The following ITGB3BP variants were observed in gnomAD, a reference collection of about 807,000 sequenced individuals.
The protein encoded by ITGB3BP is integrin subunit beta 3 binding protein, also known as centromere protein R.
ITGB3BP carries 27 observed loss-of-function variants against 29.1 expected under a neutral mutation model. That is an observed-to-expected ratio of 0.93 (90% CI 0.68 to 1.28). The LOEUF (loss-of-function observed/expected upper bound fraction) is 1.28. Among genes scored for constraint, ITGB3BP ranks in the 50% most tolerant of loss-of-function variants. The pLI, the probability that ITGB3BP is intolerant of heterozygous loss-of-function variation, is 0.00. For synonymous variants in ITGB3BP, 61 were observed against 61.4 expected, an observed-to-expected ratio of 0.99 and a Z score of 0.03; for missense variants, 192 against 200.2, an observed-to-expected ratio of 0.96 and a Z score of 0.25.
At chr1:63,473,268 C>T (rs1238482142) in intron 4 of ITGB3BP, among the ~76,000 whole-genome samples, 1 of 151,480 alleles carries the variant, frequency 6.6e-6, no homozygotes, top group East Asian at 2.0e-4. Flanking sequence ...GTGAGGAGCC[C>T]CTCTGTCCGG....
intron 1 of ITGB3BP, among the ~76,000 whole-genome samples, chr1:63,518,078 G>C (rs138871091): frequency 1.8e-3 from 269 of 152,228 alleles, no homozygotes; most frequent in African/African-American, 6.0e-3. Context: ...TTTTTGAATA[G>C]AAGTGGTGAG....
chr1:63,523,446 C>G (rs1179704581), upstream of ITGB3BP: 2 of 451,358 alleles, frequency 4.4e-6, no homozygotes, highest in Non-Finnish European at 8.1e-6. Context: ...CTGTGCGCTC[C>G]GGATCAGCGC....
chr1:63,489,490 T>C (rs1408002529), intron 3 of ITGB3BP, among the ~76,000 whole-genome samples: 3 of 151,178 alleles, frequency 2.0e-5, no homozygotes, highest in East Asian at 1.9e-4. Context: ...ACAACAAATA[T>C]GTATGGTCAA....
At position 63,478,768 on chromosome 1, in the gene ITGB3BP, CATT is replaced by C. The variant is rs777543108; in HGVS notation, c.247_249del (p.Asn83del). 2.8e-6 allele frequency: 4 copies of C among 1,435,604 alleles called. No homozygotes were observed. Among genetic ancestry groups the C allele is most frequent in the South Asian group, 2.7e-5 (2 of 75,102 alleles). 88.9% of individuals were successfully genotyped at this position (1,435,604 alleles called of 1,614,324 possible). A position where few individuals can be genotyped will look rare whatever the true frequency, so the allele number is the denominator to read the frequency against. On this transcript the variant is annotated inframe_deletion, in exon 4 of 9. Transcript: ENST00000271002. ...TTTCAAAAATAACAAACTTACTCAT[CATT>C]GTCTTTTGTTGTAGATTCTTTGCTT... is the stretch of plus-strand genomic sequence containing the variant.
chr1:63,478,021 C>T (rs1645370805), intron 4 of ITGB3BP, among the ~76,000 whole-genome samples: 1 of 152,132 alleles, frequency 6.6e-6, no homozygotes, highest in South Asian at 2.1e-4. Flanking sequence ...ATAACCTATG[C>T]ATATCCTCCC....
Position 63,508,559 on chromosome 1 carries a change from G to T in ITGB3BP, c.17C>A (p.Ser6Ter). 7.1e-7 allele frequency: 1 copy of T among 1,416,680 alleles called. No individual in the cohort carries two copies. The highest frequency in any genetic ancestry group is 9.6e-7 in the Non-Finnish European group (1 of 1,041,596). The allele number at this position is 1,416,680 out of a possible 1,614,324, so 87.8% of individuals were successfully genotyped here. The stretch of plus-strand genomic sequence containing the variant: ...TTCTAACAGACCATCCAACTTCAGT[G>T]ATCTTTTAACACTACAAACAAAAAA... The part of the protein sequence containing the change: MPVKR[S>*]LKLDGLLEEN... The change falls in exon 2 of 9, where the codon TCA (serine) becomes TAA (stop). Residue 6 changes from serine to a stop codon, truncating the protein, a stop_gained. Transcript: ENST00000271002. LOFTEE classifies it high-confidence loss of function.
At position 63,473,556 on chromosome 1, in the gene ITGB3BP, T is replaced by A. The variant is rs1570188437; in HGVS notation, c.254+5208A>T. Among the ~76,000 whole-genome samples the A allele has an allele frequency of 2.1e-5, 2 of 96,460 alleles. 1 individual carries two copies. Among genetic ancestry groups the A allele is most frequent in the South Asian group, 9.2e-4 (2 of 2,176 alleles). The allele number at this position is 96,460 out of a possible 152,430, so 63.3% of individuals were successfully genotyped here. On this transcript the variant is annotated intron_variant, in intron 4 of 8. Transcript: ENST00000271002. ...GCCCCCCGCCCGGCCAGCTGCCCCA[T>A]CTGGGAGGGGGGAGGGGGGGTCAGC... is the stretch of plus-strand genomic sequence containing the variant.
intron 3 of ITGB3BP, among the ~76,000 whole-genome samples, chr1:63,479,089 T>C (rs1227240273): frequency 6.6e-6 from 1 of 152,132 alleles, no homozygotes; most frequent in Non-Finnish European, 1.5e-5. Flanking sequence ...AGAAATCAAA[T>C]ATGATTCTAT....
At chr1:63,514,106 T>C (rs1393940280) in intron 1 of ITGB3BP, among the ~76,000 whole-genome samples, 3 of 152,222 alleles carry the variant, frequency 2.0e-5, no homozygotes, top group East Asian at 1.9e-4. Context: ...CTTTTGCCTA[T>C]TCTAGAATTT....
At chr1:63,503,868 C>T (rs1646002923) in intron 2 of ITGB3BP, among the ~76,000 whole-genome samples, 1 of 152,170 alleles carries the variant, frequency 6.6e-6, no homozygotes, top group Non-Finnish European at 1.5e-5. Context: ...TTCAATTGGT[C>T]TATACCTCTC....
At chr1:63,494,075 C>G (rs1472308700) in intron 2 of ITGB3BP, among the ~76,000 whole-genome samples, 1 of 152,164 alleles carries the variant, frequency 6.6e-6, no homozygotes, top group East Asian at 1.9e-4. Flanking sequence ...CTAGCATTAG[C>G]TGCCTCAGAG....
chr1:63,526,072 C>A (rs920503754), upstream of ITGB3BP, among the ~76,000 whole-genome samples: 12 of 152,034 alleles, frequency 7.9e-5, no homozygotes, highest in African/African-American at 2.9e-4. Context: ...ACGCTTTTGG[C>A]CTCTTAAGTC....
intron 4 of ITGB3BP, among the ~76,000 whole-genome samples, chr1:63,470,876 T>A (rs1645184172): frequency 6.6e-6 from 1 of 152,166 alleles, no homozygotes; most frequent in Non-Finnish European, 1.5e-5. Context: ...CCACCAGCAG[T>A]TTATTTGAGT....
intron 2 of ITGB3BP, among the ~76,000 whole-genome samples, chr1:63,505,348 G>A (rs1228544794): frequency 6.6e-6 from 1 of 151,726 alleles, no homozygotes. Context: ...CTGTGGGATC[G>A]GTGGTGATAT....
intron 1 of ITGB3BP, among the ~76,000 whole-genome samples, chr1:63,515,566 G>A (rs952031709): frequency 6.6e-6 from 1 of 151,904 alleles, no homozygotes; most frequent in South Asian, 2.1e-4. Flanking sequence ...GATGGTTCAC[G>A]CCTGTAATCC....
At chr1:63,457,742 T>A (rs1436841594) in intron 4 of ITGB3BP, 1 of 152,182 alleles carries the variant, frequency 6.6e-6, no homozygotes, top group African/African-American at 2.4e-5. Context: ...TCCTTTATCT[T>A]ATAATGACCC....
chr1:63,489,426 C>T (rs1222491262), intron 3 of ITGB3BP, among the ~76,000 whole-genome samples: 5 of 147,974 alleles, frequency 3.4e-5, no homozygotes, highest in African/African-American at 9.9e-5. Context: ...AAAAACCCCA[C>T]GGAATCGAGA....
chr1:63,516,934 C>T (rs1646345147), intron 1 of ITGB3BP, among the ~76,000 whole-genome samples: 1 of 151,798 alleles, frequency 6.6e-6, no homozygotes, highest in Non-Finnish European at 1.5e-5. Flanking sequence ...GAGCTCAAAC[C>T]TCACCATTAT....
rs549237424 is a variant in ITGB3BP at position 63,519,153 on chromosome 1, T to C, written c.5+3976A>G. ...TCCTTGACTTACAACAGGATTATGTTACAACAAACCCATTGTAAATTGAAA... is the reference window on the plus strand; with the variant it reads ...TCCTTGACTTACAACAGGATTATGTCACAACAAACCCATTGTAAATTGAAA... On this transcript the variant is annotated intron_variant, in intron 1 of 8. Transcript: ENST00000271002. 1.2e-3 allele frequency among the ~76,000 whole-genome samples: 178 copies of C among 152,238 alleles called. 3 individuals carry two copies. The highest frequency in any genetic ancestry group is 4.2e-3 in the East Asian group (22 of 5,184).
Sources: allele counts gnomAD v4.1 joint callset (sites outside exome capture counted in the v4.1 genomes callset), GRCh38; gene constraint gnomAD v4.1.1; transcripts MANE v1.5; gene names NCBI Gene and HGNC (gene_info 2026-07-23, HGNC 2026-07-21).